TPD52: variants seen among roughly 807,000 people sequenced by gnomAD.
TPD52 encodes tumor protein D52.
Under a neutral mutation model 31.3 loss-of-function variants are expected in TPD52, and 17 were observed. The ratio of observed to expected loss-of-function variants is 0.54; its 90% CI spans 0.37 to 0.82. The LOEUF (loss-of-function observed/expected upper bound fraction) is 0.82, where lower values mean the gene tolerates loss of function less well. TPD52 is among the 40% of genes least tolerant of loss of function. The pLI, the probability that TPD52 is intolerant of heterozygous loss-of-function variation, is 0.00. For synonymous variants in TPD52, 83 were observed against 89.6 expected (o/e 0.93, Z 0.42); for missense variants, 212 against 240.1 (o/e 0.88, Z 0.77).
At chr8:80,053,647 A>G (rs1811586046) in intron 2 of TPD52, among the ~76,000 whole-genome samples, 1 of 152,034 alleles carries the variant, frequency 6.6e-6, no homozygotes, top group Non-Finnish European at 1.5e-5. Flanking sequence ...GCTCTTTATA[A>G]TCCCATCTTA....
intron 1 of TPD52, among the ~76,000 whole-genome samples, chr8:80,116,280 C>T (rs1807858546): frequency 6.6e-6 from 1 of 152,040 alleles, no homozygotes; most frequent in Non-Finnish European, 1.5e-5. Context: ...AAATATAAAG[C>T]ATTAAAAAGC....
At chr8:80,073,689 T>C (rs958016534) in intron 1 of TPD52, among the ~76,000 whole-genome samples, 1 of 152,214 alleles carries the variant, frequency 6.6e-6, no homozygotes, top group African/African-American at 2.4e-5. Flanking sequence ...AAGAACCCAG[T>C]CTCCCTTCAT....
intron 1 of TPD52, among the ~76,000 whole-genome samples, chr8:80,132,380 A>G (rs1411185690): frequency 1.3e-5 from 2 of 151,852 alleles, no homozygotes; most frequent in Non-Finnish European, 2.9e-5. Flanking sequence ...TAATTTTTTT[A>G]ATTTTTTGGT....
intron 1 of TPD52, among the ~76,000 whole-genome samples, chr8:80,111,539 C>T (rs775731211): frequency 3.9e-5 from 6 of 152,152 alleles, no homozygotes; most frequent in Non-Finnish European, 7.4e-5. Context: ...GGGAAAAGAA[C>T]TTTGGTTTTT....
chr8:80,040,758 C>G (rs1810303848), intron 7 of TPD52, among the ~76,000 whole-genome samples: 2 of 152,148 alleles, frequency 1.3e-5, no homozygotes, highest in South Asian at 4.1e-4. Flanking sequence ...TTTAGTAATC[C>G]TTGACTTCCT....
At chr8:80,141,782 G>C (rs943657055) in intron 1 of TPD52, among the ~76,000 whole-genome samples, 8 of 151,928 alleles carry the variant, frequency 5.3e-5, no homozygotes, top group Non-Finnish European at 1.0e-4. Context: ...TGGTGGTGCG[G>C]GCCTGTTGTC....
chr8:80,169,915 CAAGAAGCTTAAAATTTAGATAATAA>C, intron 1 of TPD52, among the ~76,000 whole-genome samples: 1 of 152,220 alleles, frequency 6.6e-6, no homozygotes, highest in Admixed American at 6.5e-5. Flanking sequence ...TTTCTAACCT[CAAGAAGCTTAAAATTTAGATAATAA>C]TATGTATGTG....
At chr8:80,167,881 A>G (rs927980559) in intron 1 of TPD52, among the ~76,000 whole-genome samples, 1 of 152,334 alleles carries the variant, frequency 6.6e-6, no homozygotes, top group East Asian at 1.9e-4. Flanking sequence ...TCACTTCTAT[A>G]TAACAGTGCT....
At chr8:80,063,960 C>A (rs57287594) in intron 2 of TPD52, among the ~76,000 whole-genome samples, 4 of 121,128 alleles carry the variant, frequency 3.3e-5, no homozygotes, top group African/African-American at 9.5e-5. Flanking sequence ...AAAGAGAAGC[C>A]AGAAGGGGAA....
chr8:80,056,850 T>G (rs1236921114), intron 2 of TPD52, among the ~76,000 whole-genome samples: 2 of 152,122 alleles, frequency 1.3e-5, no homozygotes, highest in Non-Finnish European at 2.9e-5. Flanking sequence ...ACTCCACTCC[T>G]AGGTATATAT....
At position 80,165,250 on chromosome 8, in the gene TPD52, G is replaced by C. The variant is rs77702759; in HGVS notation, c.19+6175C>G. Among the ~76,000 whole-genome samples, 9 of 152,304 alleles carry C rather than the reference G, an allele frequency of 5.9e-5. No individual in the cohort carries two copies. The East Asian group carries it at 9.6e-4, about 16-fold the overall frequency. ...ACATGGCAAGGGAAAGCAAACGCTCGCACATGCTGGTGGAAGTATAACTGG... is the reference window on the plus strand; with the variant it reads ...ACATGGCAAGGGAAAGCAAACGCTCCCACATGCTGGTGGAAGTATAACTGG... On this transcript the variant is annotated intron_variant, in intron 1 of 7. Transcript: ENST00000518937.
chr8:80,149,362 T>C (rs1323157902), intron 1 of TPD52, among the ~76,000 whole-genome samples: 2 of 152,222 alleles, frequency 1.3e-5, no homozygotes, highest in African/African-American at 4.8e-5. Flanking sequence ...CCTTCCACCA[T>C]GATTGTGAGG....
chr8:80,148,158 ATT>A (rs59745938), intron 1 of TPD52, among the ~76,000 whole-genome samples: 55 of 149,652 alleles, frequency 3.7e-4, no homozygotes, highest in African/African-American at 6.4e-4. Context: ...CCACTTCTAA[ATT>A]TTTTTTTTTT....
chr8:80,038,365 A>T, intron 7 of TPD52, 130 bp from the exon 8 acceptor site: 1 of 910,308 alleles, frequency 1.1e-6, no homozygotes, highest in Non-Finnish European at 1.6e-6. Flanking sequence ...ATTATTATAT[A>T]TGTATGGAAT....
intron 5 of TPD52, among the ~76,000 whole-genome samples, chr8:80,045,849 G>A (rs1341919845): frequency 6.6e-6 from 1 of 152,150 alleles, no homozygotes; most frequent in African/African-American, 2.4e-5. Context: ...ATAGCTTTCT[G>A]TTCCTAATAA....
At chr8:80,123,924 C>T (rs1338427225) in intron 1 of TPD52, among the ~76,000 whole-genome samples, 1 of 152,102 alleles carries the variant, frequency 6.6e-6, no homozygotes, top group Non-Finnish European at 1.5e-5. Flanking sequence ...AACAGAATGT[C>T]TAGTAAGGAA....
At chr8:80,074,644 T>C (rs955785712) in intron 1 of TPD52, among the ~76,000 whole-genome samples, 1 of 152,096 alleles carries the variant, frequency 6.6e-6, no homozygotes, top group Non-Finnish European at 1.5e-5. Context: ...CAAAAGAGTA[T>C]CTACAAACAT....
At chr8:80,065,387 A>T (rs189195521) in intron 1 of TPD52, among the ~76,000 whole-genome samples, 1 of 152,060 alleles carries the variant, frequency 6.6e-6, no homozygotes, top group East Asian at 1.9e-4. Context: ...CCACACAGAG[A>T]CATTCTACAC....
intron 1 of TPD52, among the ~76,000 whole-genome samples, chr8:80,134,892 C>T (rs1809282827): frequency 6.6e-6 from 1 of 152,126 alleles, no homozygotes; most frequent in South Asian, 2.1e-4. Flanking sequence ...TGCCTTAAGC[C>T]CCTTAATGAT....
Sources: gnomAD v4.1 joint callset for allele counts (sites outside exome capture counted in the v4.1 genomes callset) on GRCh38, gnomAD v4.1.1 for gene constraint, MANE v1.5 for transcripts, NCBI Gene and HGNC (gene_info 2026-07-23, HGNC 2026-07-21) for gene names.